Variants in COL6A5 observed in about 807,000 individuals in gnomAD.
COL6A5 encodes the protein collagen alpha-5(VI) chain.
Under a neutral mutation model 65.6 loss-of-function variants are expected in COL6A5, and 48 were observed. The ratio of observed to expected loss-of-function variants is 0.73; its 90% CI spans 0.58 to 0.93. COL6A5 has a LOEUF of 0.93. Among genes scored for constraint, COL6A5 ranks in the 40% least tolerant of loss-of-function variants. The pLI, the probability that COL6A5 is intolerant of heterozygous loss-of-function variation, is 0.00. For synonymous variants in COL6A5, 291 were observed against 322.8 expected (o/e 0.90, Z 1.05); for missense variants, 914 against 928.3 (o/e 0.98, Z 0.20).
At chr3:130,355,589 T>TACACAC (rs111871748) in intron 1 of COL6A5, among the ~76,000 whole-genome samples, 1 of 151,312 alleles carries the variant, frequency 6.6e-6, no homozygotes, top group African/African-American at 2.4e-5. Context: ...AGTAAAATTT[T>TACACAC]ACACACACAC....
chr3:130,362,316 ATATATATATATTTTTTTTTTTT>A (rs1266099240), intron 1 of COL6A5, among the ~76,000 whole-genome samples: 4 of 16,416 alleles, frequency 2.4e-4, no homozygotes, highest in African/African-American at 1.3e-3. Flanking sequence ...ATATATATAT[ATATATATATATTTTTTTTTTTT>A]TTTTTTTTTG....
intron 4 of COL6A5, among the ~76,000 whole-genome samples, chr3:130,447,499 G>A (rs972737589): frequency 7.4e-4 from 112 of 152,138 alleles, no homozygotes; most frequent in African/African-American, 2.6e-3. Flanking sequence ...TTCTTGGATT[G>A]TAAAAGAGAC....
At chr3:130,366,039 G>C (rs1935326071) in intron 1 of COL6A5, among the ~76,000 whole-genome samples, 1 of 152,178 alleles carries the variant, frequency 6.6e-6, no homozygotes, top group African/African-American at 2.4e-5. Flanking sequence ...TCCTAGAGCA[G>C]GAAAGCAGGC....
chr3:130,483,298 T>C (rs1223764018), intron 7 of COL6A5, among the ~76,000 whole-genome samples: 1 of 152,074 alleles, frequency 6.6e-6, no homozygotes, highest in Non-Finnish European at 1.5e-5. Flanking sequence ...CCATCGACAC[T>C]ATGAAGAAGC....
chr3:130,471,694 G>A (rs1709956648), intron 7 of COL6A5: 1 of 1,534,490 alleles, frequency 6.5e-7, no homozygotes, highest in Non-Finnish European at 8.7e-7. Flanking sequence ...TTCTTCCTGG[G>A]ATATATGAAA....
chr3:130,406,165 A>T, exon 16 of COL6A5: 1 of 1,550,748 alleles, frequency 6.4e-7, no homozygotes, highest in Non-Finnish European at 8.7e-7. Context: ...GATGGACTTG[A>T]TGGGGAAGAG....
chr3:130,362,047 A>G (rs932182813), intron 1 of COL6A5, among the ~76,000 whole-genome samples: 3 of 151,910 alleles, frequency 2.0e-5, no homozygotes, highest in Non-Finnish European at 4.4e-5. Flanking sequence ...ATAAAGCATG[A>G]CATTTTAATG....
chr3:130,450,326 C>A (rs181438295), intron 4 of COL6A5, among the ~76,000 whole-genome samples: 1 of 152,110 alleles, frequency 6.6e-6, no homozygotes, highest in Admixed American at 6.5e-5. Context: ...TTTGCGACAA[C>A]GTGGGCAAAC....
chr3:130,386,715 C>T (rs1036247436), intron 5 of COL6A5, among the ~76,000 whole-genome samples: 22 of 151,936 alleles, frequency 1.4e-4, no homozygotes, highest in African/African-American at 1.9e-4. Flanking sequence ...AGGTCCTGGA[C>T]GAATCTAGGG....
rs753445274 is a variant in COL6A5, at chr3:130,469,415, C to T, written c.2167C>T (p.Arg723Ter). The change falls in exon 6 of 8, where the codon CGA becomes TGA. Residue 723 changes from arginine to a stop codon, truncating the protein, a stop_gained. Transcript: ENST00000512836. LOFTEE classifies it high-confidence loss of function. ...GGATCATCACTTGGTCCAACTTGGC[C>T]GAACCCACAAGCCAGATTGGAACTA... 3.2e-5 allele frequency: 52 copies of T among 1,612,740 alleles called. No homozygotes were observed. Among genetic ancestry groups the T allele is most frequent in the Admixed American group, 2.3e-4 (14 of 59,822 alleles).
Position 130,398,011 on chromosome 3 carries a change from C to A in COL6A5, c.3910-19C>A. On this transcript the variant is annotated intron_variant and NMD_transcript_variant, in intron 9 of 41. Transcript: ENST00000312481. ...TATATATTTAGCTTTTACACCATAC[C>A]ATTTTCTTATTTCTCCAGGTGCTGC... is the stretch of plus-strand genomic sequence containing the variant. 6.5e-7 allele frequency: 1 copy of A among 1,543,866 alleles called. No homozygotes were observed. Among genetic ancestry groups the A allele is most frequent in the Non-Finnish European group, 8.7e-7 (1 of 1,143,434 alleles).
upstream of COL6A5, among the ~76,000 whole-genome samples, chr3:130,429,084 G>GT (rs1236117474): frequency 1.3e-5 from 2 of 152,012 alleles, no homozygotes; most frequent in Admixed American, 6.6e-5. Context: ...CAGAGGAGCT[G>GT]TTTTTTATCA....
Position 130,463,747 on chromosome 3 carries a change from T to C in COL6A5, c.1545-5048T>C, listed in dbSNP as rs1709751433. ...AGCTATGGATATATTTTATCCACAC[T>C]TCTGCCAGATTATCTTGAAAGAAAA... On this transcript the variant is annotated intron_variant, in intron 5 of 7. Transcript: ENST00000512836. Among the ~76,000 whole-genome samples the C allele has an allele frequency of 2.0e-5, 3 of 152,234 alleles. No homozygotes were observed. The South Asian group carries it at 6.2e-4, about 32-fold the overall frequency.
At chr3:130,391,567 T>C (rs1936402080) in exon 7 of COL6A5, 1 of 1,551,526 alleles carries the variant, frequency 6.4e-7, no homozygotes. Flanking sequence ...ATCAGCTCAA[T>C]GACACAGCAT....
chr3:130,409,429 G>C, intron 18 of COL6A5, 41 bp downstream of exon 18: 1 of 1,476,076 alleles, frequency 6.8e-7, no homozygotes, highest in Non-Finnish European at 9.2e-7. Flanking sequence ...TTTTATACTT[G>C]CTCCACAGTT....
chr3:130,429,467 G>A, upstream of COL6A5: 1 of 975,228 alleles, frequency 1.0e-6, no homozygotes, highest in South Asian at 1.7e-5. Flanking sequence ...CTCATTTGCA[G>A]TTAGACTCAA....
chr3:130,396,584 A>G (rs776854820), intron 8 of COL6A5, among the ~76,000 whole-genome samples: 5 of 152,254 alleles, frequency 3.3e-5, no homozygotes, highest in Non-Finnish European at 1.5e-5. Flanking sequence ...AGTTGACAGC[A>G]TTCACACTGA....
exon 8 of COL6A5, chr3:130,394,992 T>G: frequency 6.4e-7 from 1 of 1,551,512 alleles, no homozygotes; most frequent in South Asian, 1.2e-5. Context: ...TCAGACTTAA[T>G]CGATAATTTT....
chr3:130,468,130 T>A (rs1709860176), intron 5 of COL6A5, among the ~76,000 whole-genome samples: 1 of 152,038 alleles, frequency 6.6e-6, no homozygotes, highest in African/African-American at 2.4e-5. Context: ...AATAAATAAA[T>A]GTCAGCTGAA....
Sources: allele counts gnomAD v4.1 joint callset (sites outside exome capture counted in the v4.1 genomes callset), GRCh38; gene constraint gnomAD v4.1.1; transcripts MANE v1.5; gene names NCBI Gene and HGNC (gene_info 2026-07-23, HGNC 2026-07-21).